UGT1A9: variants seen among roughly 807,000 people sequenced by gnomAD.
UGT1A9 encodes UDP glucuronosyltransferase family 1 member A9, also known as UDP-glucuronosyltransferase 1A9.
UGT1A9 carries 35 observed loss-of-function variants against 45.0 expected under a neutral mutation model. The ratio of observed to expected loss-of-function variants is 0.78; its 90% CI spans 0.59 to 1.03. The LOEUF (loss-of-function observed/expected upper bound fraction) is 1.03. Among genes scored for constraint, UGT1A9 ranks in the 50% least tolerant of loss-of-function variants. The pLI, the probability that UGT1A9 is intolerant of heterozygous loss-of-function variation, is 0.00. For synonymous variants in UGT1A9, 278 were observed against 250.6 expected (o/e 1.11, Z -1.03); for missense variants, 687 against 666.6 (o/e 1.03, Z -0.34).
intron 1 of UGT1A9, chr2:233,752,385 C>T (rs1023364078): frequency 4.6e-5 from 7 of 152,142 alleles, no homozygotes. Context: ...ATCTTTGCAA[C>T]AGAGGAAATG....
chr2:233,716,488 C>A (rs371843932), intron 1 of UGT1A9, among the ~76,000 whole-genome samples: 1 of 152,184 alleles, frequency 6.6e-6, no homozygotes, highest in Non-Finnish European at 1.5e-5. Context: ...CCGTAGTCTT[C>A]TATTCTCCAG....
chr2:233,718,916 G>C, intron 1 of UGT1A9: 1 of 1,614,098 alleles, frequency 6.2e-7, no homozygotes. Context: ...GAAAGGTGTT[G>C]GTGGTGCCCA....
intron 1 of UGT1A9, among the ~76,000 whole-genome samples, chr2:233,738,491 G>C (rs113157638): frequency 5.3e-5 from 8 of 152,298 alleles, no homozygotes; most frequent in African/African-American, 1.9e-4. Flanking sequence ...CTTGTTGAAC[G>C]GTTTTGACCA....
intron 1 of UGT1A9, among the ~76,000 whole-genome samples, chr2:233,751,602 T>C (rs1694760263): frequency 6.6e-6 from 1 of 152,210 alleles, no homozygotes; most frequent in Non-Finnish European, 1.5e-5. Context: ...GGATGGGACC[T>C]GGTGGGAGGT....
intron 1 of UGT1A9, among the ~76,000 whole-genome samples, chr2:233,728,564 A>G (rs2077727018): frequency 6.6e-6 from 1 of 152,200 alleles, no homozygotes; most frequent in Non-Finnish European, 1.5e-5. Context: ...TACAAGAAAT[A>G]TCCTGGTGCG....
chr2:233,709,314 G>A (rs1055601324), intron 1 of UGT1A9, among the ~76,000 whole-genome samples: 31 of 152,226 alleles, frequency 2.0e-4, no homozygotes, highest in Non-Finnish European at 2.2e-4. Flanking sequence ...TTAGATGTCA[G>A]ATTTTTTGTT....
At chr2:233,761,337 T>C (rs1199702907) in intron 1 of UGT1A9, among the ~76,000 whole-genome samples, 1 of 152,264 alleles carries the variant, frequency 6.6e-6, no homozygotes, top group Non-Finnish European at 1.5e-5. Context: ...GATTTCTTGG[T>C]ATCTGAGATT....
chr2:233,672,483 C>T lies in UGT1A9; in HGVS notation c.549C>T (p.Cys183=). The T allele has an allele frequency of 1.2e-6, 2 of 1,613,952 alleles. No individual in the cohort carries two copies. Among genetic ancestry groups the T allele is most frequent in the Non-Finnish European group, 1.7e-6 (2 of 1,179,852 alleles). Residue 183 remains cysteine (C), a synonymous_variant, in exon 1 of 5, where the codon TGC becomes TGT. Transcript: ENST00000354728. The part of the protein sequence containing the change: ...LCHYLEEGAQ[C]PAPLSYVPRI... ...ACTATCTTGAAGAAGGTGCACAGTG[C>T]CCTGCTCCTCTTTCCTATGTCCCCA...
At position 233,769,829 on chromosome 2, in the gene UGT1A9, A is replaced by C; in HGVS notation, c.1295+1390A>C. 1.4e-6 allele frequency: 1 copy of C among 707,246 alleles called. No homozygotes were observed. Among genetic ancestry groups the C allele is most frequent in the East Asian group, 3.2e-5 (1 of 31,212 alleles). The allele number at this position is 707,246 out of a possible 1,614,324, so 43.8% of individuals were successfully genotyped here. On this transcript the variant is annotated intron_variant, in intron 4 of 4. Transcript: ENST00000354728. This position sits in a 1 kb window ranked among gnomAD's most constrained non-coding sequence, Gnocchi z 4.4. ...GTGATCATGCCACTGCACTCCAGCA[A>C]CCTGGGCAACAGAGTGAGACCCTGT...
intron 1 of UGT1A9, among the ~76,000 whole-genome samples, chr2:233,675,595 C>A (rs1159705541): frequency 6.6e-6 from 1 of 152,110 alleles, no homozygotes; most frequent in Non-Finnish European, 1.5e-5. Context: ...GTGGACAAGA[C>A]TAAGGCCTCC....
At chr2:233,728,962 C>G (rs1481350452) in intron 1 of UGT1A9, 1 of 1,451,462 alleles carries the variant, frequency 6.9e-7, no homozygotes. Context: ...CAGTGAAAAA[C>G]AGTGATAGAT....
rs28898623 is a variant in UGT1A9, at chr2:233,737,700, C to T, written c.856-29334C>T. On this transcript the variant is annotated intron_variant, in intron 1 of 4. Coordinates refer to ENST00000354728, the MANE Select transcript of UGT1A9 (RefSeq NM_021027.3). ...ATTTGGCCATTGGTGCTGAAGCTTC[C>T]GTTCTCCTCTCCAACACCTCCTTTT... Among the ~76,000 whole-genome samples the T allele has an allele frequency of 1.4e-3, 213 of 152,228 alleles. 1 individual carries two copies. The highest frequency in any genetic ancestry group is 4.8e-3 in the African/African-American group (199 of 41,534).
intron 1 of UGT1A9, among the ~76,000 whole-genome samples, chr2:233,720,026 G>A (rs1302050187): frequency 6.6e-6 from 1 of 152,126 alleles, no homozygotes; most frequent in Non-Finnish European, 1.5e-5. Flanking sequence ...TGGGGTTTTT[G>A]CTTGCCTGAT....
chr2:233,673,379 A>G (rs2074257660), intron 1 of UGT1A9, among the ~76,000 whole-genome samples: 1 of 152,202 alleles, frequency 6.6e-6, no homozygotes, highest in Non-Finnish European at 1.5e-5. Flanking sequence ...TAACCAATTA[A>G]TATTGATATA....
At chr2:233,724,263 A>G (rs1575551181) in intron 1 of UGT1A9, among the ~76,000 whole-genome samples, 11 of 125,726 alleles carry the variant, frequency 8.7e-5, no homozygotes, top group Admixed American at 7.6e-4. Context: ...CACCTCCCGG[A>G]CGGGGCGGCT....
intron 1 of UGT1A9, among the ~76,000 whole-genome samples, chr2:233,726,813 T>C (rs2077563444): frequency 6.6e-6 from 1 of 152,232 alleles, no homozygotes; most frequent in Non-Finnish European, 1.5e-5. Context: ...GAGGTTTTCC[T>C]CTATTCGACC....
At position 233,772,646 on chromosome 2, in the gene UGT1A9, A is replaced by C; in HGVS notation, c.*87A>C. 6.5e-7 allele frequency: 1 copy of C among 1,549,870 alleles called. No homozygotes were observed. The highest frequency in any genetic ancestry group is 8.7e-7 in the Non-Finnish European group (1 of 1,147,250). ...ACAGAATCAGTGTTAAATTCATTTT[A>C]TTCTTATTAAGGAAATACTTTGCAT... On this transcript the variant is annotated 3_prime_UTR_variant, in exon 5 of 5. Coordinates refer to ENST00000354728, the MANE Select transcript of UGT1A9 (RefSeq NM_021027.3).
At chr2:233,698,153 T>G (rs1447834523) in intron 1 of UGT1A9, among the ~76,000 whole-genome samples, 1 of 152,204 alleles carries the variant, frequency 6.6e-6, no homozygotes, top group Non-Finnish European at 1.5e-5. Context: ...ATTCCCAGCA[T>G]GTCGTCCTAG....
rs145239529 is a variant in UGT1A9, at chr2:233,769,464, C to CGT, written c.1295+1039_1295+1040dup. ...GGGTGCACACGTGTGCATTCATATGCGTGTGTGTGTGTGTGCGTGTGTTTA... is the reference window on the plus strand; with the variant it reads ...GGGTGCACACGTGTGCATTCATATGCGTGTGTGTGTGTGTGTGCGTGTGTTTA... On this transcript the variant is annotated intron_variant, in intron 4 of 4. Coordinates refer to ENST00000354728, the MANE Select transcript of UGT1A9 (RefSeq NM_021027.3). This position sits in a 1 kb window ranked among gnomAD's most constrained non-coding sequence, Gnocchi z 4.4. 1.1e-3 allele frequency: 1,584 copies of CGT among 1,481,010 alleles called. 6 individuals are homozygous for CGT. The African/African-American group carries it at 0.012, about 11-fold the overall frequency. 91.7% of individuals were successfully genotyped at this position (1,481,010 alleles called of 1,614,324 possible).
Sources: gnomAD v4.1 joint callset for allele counts (sites outside exome capture counted in the v4.1 genomes callset) on GRCh38, gnomAD v4.1.1 for gene constraint, Gnocchi (gnomAD v3.1) non-coding constraint, MANE v1.5 for transcripts, NCBI Gene and HGNC (gene_info 2026-07-23, HGNC 2026-07-21) for gene names.